The following DPP10 variants were observed in gnomAD, a reference collection of about 807,000 sequenced individuals.
The protein encoded by DPP10 is inactive dipeptidyl peptidase 10.
Under a neutral mutation model 120.9 loss-of-function variants are expected in DPP10, and 33 were observed. That is an observed-to-expected ratio of 0.27 (90% confidence interval 0.21 to 0.37). DPP10 has a LOEUF of 0.37. DPP10 is among the 10% of genes least tolerant of loss of function. The pLI is 1.00. For missense variants in DPP10, 816 were observed against 942.8 expected, an observed-to-expected ratio of 0.87 and a Z score of 1.76; for synonymous variants, 337 against 326.1, an observed-to-expected ratio of 1.03 and a Z score of -0.36.
chr2:114,667,910 A>G (rs1045678146), intron 1 of DPP10, among the ~76,000 whole-genome samples: 2 of 152,136 alleles, frequency 1.3e-5, no homozygotes, highest in Non-Finnish European at 2.9e-5. Context: ...TTATCAAATG[A>G]AGTTTTGAGT....
intron 1 of DPP10, among the ~76,000 whole-genome samples, chr2:114,846,828 G>A (rs1688583524): frequency 6.6e-6 from 1 of 152,120 alleles, no homozygotes; most frequent in Non-Finnish European, 1.5e-5. Flanking sequence ...TCCAAATTGT[G>A]CTTCATTGGG....
intron 1 of DPP10, among the ~76,000 whole-genome samples, chr2:115,120,222 C>G (rs1204228861): frequency 6.6e-6 from 1 of 152,184 alleles, no homozygotes; most frequent in Non-Finnish European, 1.5e-5. Context: ...TCCAGCAATT[C>G]CAGTACCCAT....
At chr2:115,565,872 G>A (rs1166818462) in intron 5 of DPP10, among the ~76,000 whole-genome samples, 43 of 147,148 alleles carry the variant, frequency 2.9e-4, no homozygotes, top group Middle Eastern at 3.6e-3. Context: ...TGCAACCTCC[G>A]CCTCCCGGGT....
Position 115,224,571 on chromosome 2 carries a change from G to A in DPP10, c.61-84668G>A, listed in dbSNP as rs185828035. ...GATCGTCAAAGGACATAAAATTTCAGTTAGAGGAATAAAGTCAAGAGATTA... is the reference window on the plus strand; with the variant it reads ...GATCGTCAAAGGACATAAAATTTCAATTAGAGGAATAAAGTCAAGAGATTA... On this transcript the variant is annotated intron_variant, in intron 1 of 25. Transcript: ENST00000410059. Among the ~76,000 whole-genome samples, 558 of 152,168 alleles carry A rather than the reference G, an allele frequency of 3.7e-3. 1 individual carries two copies. Among genetic ancestry groups the A allele is most frequent in the African/African-American group, 0.013 (524 of 41,532 alleles).
At chr2:114,460,187 A>ATCTATCTATCTG (rs1438964380) in intron 1 of DPP10, among the ~76,000 whole-genome samples, 13 of 151,244 alleles carry the variant, frequency 8.6e-5, no homozygotes, top group African/African-American at 3.2e-4. Flanking sequence ...CTATCTATCT[A>ATCTATCTATCTG]TCTATCTATC....
intron 1 of DPP10, among the ~76,000 whole-genome samples, chr2:115,140,462 G>A (rs952775576): frequency 6.6e-6 from 1 of 152,232 alleles, no homozygotes; most frequent in Non-Finnish European, 1.5e-5. Flanking sequence ...GCCGCTCTAG[G>A]AAACTTGGCT....
intron 1 of DPP10, among the ~76,000 whole-genome samples, chr2:115,288,768 C>G (rs2060513078): frequency 6.6e-6 from 1 of 151,848 alleles, no homozygotes; most frequent in Non-Finnish European, 1.5e-5. Context: ...AACCGTCAAC[C>G]AACTAGGTAT....
At chr2:115,355,157 AT>A (rs2064290075) in intron 3 of DPP10, among the ~76,000 whole-genome samples, 1 of 152,200 alleles carries the variant, frequency 6.6e-6, no homozygotes, top group Non-Finnish European at 1.5e-5. Context: ...ACTAATTTAC[AT>A]TCCCACCAAC....
At chr2:115,560,434 A>ATATATATG (rs2080562342) in intron 5 of DPP10, among the ~76,000 whole-genome samples, 1 of 98,388 alleles carries the variant, frequency 1.0e-5, no homozygotes, top group African/African-American at 3.9e-5. Flanking sequence ...ATATATATAT[A>ATATATATG]TATATATATA....
At chr2:115,110,741 T>A (rs1306829497) in intron 1 of DPP10, among the ~76,000 whole-genome samples, 1 of 152,130 alleles carries the variant, frequency 6.6e-6, no homozygotes, top group Non-Finnish European at 1.5e-5. Flanking sequence ...CTTCAGGTAG[T>A]TTTCTTTATA....
intron 5 of DPP10, among the ~76,000 whole-genome samples, chr2:115,597,191 T>A (rs2083044304): frequency 6.6e-6 from 1 of 152,132 alleles, no homozygotes; most frequent in Non-Finnish European, 1.5e-5. Context: ...TGTGAGGACA[T>A]TCCCTGGAGG....
chr2:114,648,921 C>T (rs913021953), intron 1 of DPP10, among the ~76,000 whole-genome samples: 1 of 152,140 alleles, frequency 6.6e-6, no homozygotes, highest in African/African-American at 2.4e-5. Flanking sequence ...AAATTTTCTC[C>T]AATCCTTTCT....
intron 1 of DPP10, among the ~76,000 whole-genome samples, chr2:115,120,050 C>CT (rs2049740572): frequency 2.0e-5 from 3 of 152,220 alleles, no homozygotes; most frequent in Non-Finnish European, 4.4e-5. Context: ...AGATTTCTCC[C>CT]TGTGCTGCCA....
At chr2:114,677,690 G>C (rs1172262640) in intron 1 of DPP10, among the ~76,000 whole-genome samples, 1 of 151,908 alleles carries the variant, frequency 6.6e-6, no homozygotes, top group Admixed American at 6.6e-5. Context: ...AATCAATATA[G>C]TTAAAGGAAT....
At chr2:114,819,475 A>G (rs1685911602) in intron 1 of DPP10, among the ~76,000 whole-genome samples, 1 of 152,216 alleles carries the variant, frequency 6.6e-6, no homozygotes, top group Non-Finnish European at 1.5e-5. Context: ...ATCATGAAAA[A>G]TAAAAATAAA....
intron 1 of DPP10, among the ~76,000 whole-genome samples, chr2:114,527,619 G>A (rs1408129806): frequency 1.3e-5 from 2 of 152,174 alleles, no homozygotes; most frequent in Admixed American, 1.3e-4. Flanking sequence ...GGGGGATTCT[G>A]ATTAGAGGAT....
In DPP10 at chr2:114,936,637, T is replaced by A. The variant is rs933276816; in HGVS notation, c.61-372602T>A. On this transcript the variant is annotated intron_variant, in intron 1 of 25. Transcript: ENST00000410059. ...TGGGATTGCTGGATCAGACGGTGGA[T>A]CTACTTTTGTTTCTTTAAGGAATCT... Among the ~76,000 whole-genome samples, 4 of 152,026 alleles carry A rather than the reference T, an allele frequency of 2.6e-5. No homozygotes were observed. In the East Asian group the frequency reaches 7.7e-4, roughly 29 times the overall value.
intron 8 of DPP10, among the ~76,000 whole-genome samples, chr2:115,739,108 T>C (rs72828562): frequency 0.026 from 3,892 of 152,148 alleles, 61 homozygotes; most frequent in Middle Eastern, 0.048. Flanking sequence ...GGTAACATTG[T>C]AGGATAGAGC....
At chr2:115,583,121 A>G (rs1284188394) in intron 5 of DPP10, among the ~76,000 whole-genome samples, 10 of 152,208 alleles carry the variant, frequency 6.6e-5, no homozygotes, top group African/African-American at 1.7e-4. Context: ...ATTGGGTTTT[A>G]TATGTTCCAG....
Sources: allele counts gnomAD v4.1 joint callset (sites outside exome capture counted in the v4.1 genomes callset), GRCh38; gene constraint gnomAD v4.1.1; transcripts MANE v1.5; gene names NCBI Gene and HGNC (gene_info 2026-07-23, HGNC 2026-07-21).